STIM1: variants seen among roughly 807,000 people sequenced by gnomAD.
STIM1 encodes stromal interaction molecule 1.
In STIM1, 25 loss-of-function variants were observed where a neutral mutation model predicts 74.7. The observed-to-expected ratio is 0.33, with a 90% CI of 0.24 to 0.47. The LOEUF (loss-of-function observed/expected upper bound fraction) is 0.47. Among genes scored for constraint, STIM1 ranks in the 20% least tolerant of loss-of-function variants. STIM1 has a pLI of 1.00. For synonymous variants in STIM1, 328 were observed against 348.8 expected, an observed-to-expected ratio of 0.94 and a Z score of 0.66; for missense variants, 728 against 920.8, an observed-to-expected ratio of 0.79 and a Z score of 2.71.
At chr11:3,980,815 A>T (rs1270938940) in intron 2 of STIM1, among the ~76,000 whole-genome samples, 1 of 152,094 alleles carries the variant, frequency 6.6e-6, no homozygotes, top group African/African-American at 2.4e-5. Context: ...TGTCTTGTAC[A>T]TTGTAGGATG....
chr11:3,880,529 G>A (rs570386243), intron 1 of STIM1, among the ~76,000 whole-genome samples: 1 of 152,264 alleles, frequency 6.6e-6, no homozygotes, highest in East Asian at 1.9e-4. Context: ...GAAGAACTTT[G>A]GCATTAGAAT....
At chr11:4,024,626 C>T (rs1203008045) in intron 3 of STIM1, among the ~76,000 whole-genome samples, 4 of 152,192 alleles carry the variant, frequency 2.6e-5, no homozygotes, top group Non-Finnish European at 5.9e-5. Context: ...ATTTTATCAT[C>T]ACGGAGTTGA....
intron 6 of STIM1, 112 bp downstream of exon 6, chr11:4,070,315 A>C (rs1358071661): frequency 3.3e-6 from 4 of 1,224,374 alleles, no homozygotes; most frequent in Non-Finnish European, 4.7e-6. Flanking sequence ...ATGGCAGCCC[A>C]GGCTGCATCA....
At chr11:3,903,970 G>A (rs189162472) in intron 1 of STIM1, among the ~76,000 whole-genome samples, 33 of 152,212 alleles carry the variant, frequency 2.2e-4, no homozygotes, top group African/African-American at 6.5e-4. Context: ...AGGCTGAGGC[G>A]GGTAGATCAC....
chr11:3,892,523 A>C (rs2091926897), intron 1 of STIM1: 1 of 1,591,236 alleles, frequency 6.3e-7, no homozygotes, highest in Admixed American at 1.7e-5. Flanking sequence ...CTTGCCATCC[A>C]ACCACTCAGT....
chr11:4,032,116 T>G (rs573282049), intron 3 of STIM1, among the ~76,000 whole-genome samples: 1 of 152,368 alleles, frequency 6.6e-6, no homozygotes, highest in Admixed American at 6.5e-5. Flanking sequence ...TCTAGAACCA[T>G]TTTTAGAAAT....
At chr11:4,028,726 T>C (rs1340382708) in intron 3 of STIM1, among the ~76,000 whole-genome samples, 3 of 152,174 alleles carry the variant, frequency 2.0e-5, no homozygotes, top group African/African-American at 4.8e-5. Context: ...TCTTAAGTGG[T>C]AATTTCTTTC....
At chr11:3,918,144 G>GTCAT (rs2092672723) in intron 1 of STIM1, among the ~76,000 whole-genome samples, 1 of 152,114 alleles carries the variant, frequency 6.6e-6, no homozygotes, top group South Asian at 2.1e-4. Context: ...TTGTACTGGT[G>GTCAT]TCATTCTTAG....
chr11:4,012,954 A>G (rs2093853902), intron 2 of STIM1, among the ~76,000 whole-genome samples: 1 of 152,190 alleles, frequency 6.6e-6, no homozygotes, highest in Non-Finnish European at 1.5e-5. Flanking sequence ...AATTTTGTCA[A>G]AGGCCTTTTC....
intron 3 of STIM1, among the ~76,000 whole-genome samples, chr11:4,027,181 A>G (rs1300167270): frequency 6.6e-6 from 1 of 152,206 alleles, no homozygotes. Context: ...GATCTGCCAA[A>G]TTCTTTATTA....
intron 2 of STIM1, chr11:3,999,686 A>G: frequency 6.4e-6 from 1 of 156,266 alleles, no homozygotes; most frequent in Non-Finnish European, 1.4e-5. Context: ...TTTCCATTTG[A>G]GGTACCGGGT....
intron 2 of STIM1, among the ~76,000 whole-genome samples, chr11:4,007,413 C>G (rs1242715244): frequency 6.6e-6 from 1 of 152,142 alleles, no homozygotes; most frequent in East Asian, 1.9e-4. Context: ...GGATGTGGGA[C>G]AGTGTTCAAA....
At chr11:3,956,415 T>C (rs936417272) in intron 1 of STIM1, among the ~76,000 whole-genome samples, 7 of 152,056 alleles carry the variant, frequency 4.6e-5, no homozygotes, top group Non-Finnish European at 1.0e-4. Context: ...AGGGAAAAAA[T>C]GAATTTAGAA....
chr11:4,078,344 G>A (rs1433044533), intron 7 of STIM1, among the ~76,000 whole-genome samples: 2 of 152,194 alleles, frequency 1.3e-5, no homozygotes, highest in African/African-American at 4.8e-5. Flanking sequence ...CTGAAAGACT[G>A]TGAGAGATGC....
chr11:3,901,431 G>A (rs2092345838), intron 1 of STIM1, among the ~76,000 whole-genome samples: 1 of 152,188 alleles, frequency 6.6e-6, no homozygotes, highest in African/African-American at 2.4e-5. Context: ...AATGAACACA[G>A]TGTGGTCCCC....
At chr11:3,989,879 A>T (rs917894543) in intron 2 of STIM1, among the ~76,000 whole-genome samples, 5 of 152,196 alleles carry the variant, frequency 3.3e-5, no homozygotes, top group African/African-American at 9.7e-5. Flanking sequence ...TATCAATTTT[A>T]AAAAAACAGC....
chr11:3,983,502 G>A (rs777057764), intron 2 of STIM1, among the ~76,000 whole-genome samples: 1 of 152,104 alleles, frequency 6.6e-6, no homozygotes, highest in Non-Finnish European at 1.5e-5. Flanking sequence ...AAGTTAAGAT[G>A]TCAAAGAATC....
chr11:4,086,411 C>T (rs2094493244), intron 11 of STIM1, 66 bp from the exon 12 acceptor site: 2 of 1,580,196 alleles, frequency 1.3e-6, no homozygotes, highest in Non-Finnish European at 1.7e-6. Flanking sequence ...TATTCATGGG[C>T]ACCTCCTTAC....
intron 5 of STIM1, among the ~76,000 whole-genome samples, chr11:4,068,218 G>A (rs2094380656): frequency 6.6e-6 from 1 of 152,134 alleles, no homozygotes; most frequent in Admixed American, 6.6e-5. Flanking sequence ...ATGAAGCTGG[G>A]CAAAATAATA....
Sources: allele counts gnomAD v4.1 joint callset (sites outside exome capture counted in the v4.1 genomes callset), GRCh38; gene constraint gnomAD v4.1.1; transcripts MANE v1.5; gene names NCBI Gene and HGNC (gene_info 2026-07-23, HGNC 2026-07-21).